HPSE: variants seen among roughly 807,000 people sequenced by gnomAD.
HPSE encodes the protein heparanase, also known as endo-glucoronidase.
A neutral mutation model predicts 65.1 loss-of-function variants in HPSE; 48 were observed. That is an observed-to-expected ratio of 0.74 (90% CI 0.58 to 0.94). The LOEUF is 0.94. Ranked by LOEUF, HPSE falls within the 40% of genes least tolerant of loss-of-function variation. The pLI is 0.00. For missense variants in HPSE, 644 were observed against 637.5 expected, an observed-to-expected ratio of 1.01 and a Z score of -0.11; for synonymous variants, 243 against 260.0, an observed-to-expected ratio of 0.93 and a Z score of 0.63.
rs181294629 is a variant in HPSE, at chr4:83,302,957, G to A, written c.1207-689C>T. Among the ~76,000 whole-genome samples the A allele has an allele frequency of 2.8e-4, 42 of 152,134 alleles. No individual in the cohort carries two copies. In the East Asian group the frequency reaches 7.3e-3, roughly 27 times the overall value. On this transcript the variant is annotated intron_variant, in intron 9 of 11. Coordinates refer to ENST00000311412, the MANE Select transcript of HPSE (RefSeq NM_001098540.3). ...GCCACTGCACTCCAGCCTGGGAAAC[G>A]AAATGAGACACTGTCTCAAAATAAC... is the stretch of plus-strand genomic sequence containing the variant.
intron 3 of HPSE, among the ~76,000 whole-genome samples, chr4:83,318,763 T>C (rs999052724): frequency 4.0e-5 from 6 of 150,338 alleles, no homozygotes; most frequent in African/African-American, 1.5e-4. Flanking sequence ...TAAAGCCCCA[T>C]GTGACAATGT....
At chr4:83,313,460 T>C (rs952401652) in intron 3 of HPSE, among the ~76,000 whole-genome samples, 173 bp from the exon 4 acceptor site, 1 of 152,156 alleles carries the variant, frequency 6.6e-6, no homozygotes, top group African/African-American at 2.4e-5. Context: ...TTAAAAAAAA[T>C]CAATCTGACT....
At chr4:83,324,229 C>T (rs1016224725) in intron 1 of HPSE, among the ~76,000 whole-genome samples, 5 of 148,036 alleles carry the variant, frequency 3.4e-5, no homozygotes, top group African/African-American at 1.3e-4. Context: ...TCTAGCAATT[C>T]GCCCACTTCA....
At chr4:83,303,324 G>T (rs958836524) in intron 9 of HPSE, among the ~76,000 whole-genome samples, 20 of 152,132 alleles carry the variant, frequency 1.3e-4, no homozygotes, top group African/African-American at 4.8e-4. Flanking sequence ...TAAATTACAA[G>T]AGATGAAAGA....
intron 1 of HPSE, among the ~76,000 whole-genome samples, chr4:83,332,512 C>G (rs898281276): frequency 9.2e-5 from 14 of 152,044 alleles, no homozygotes; most frequent in African/African-American, 3.4e-4. Flanking sequence ...GTTTTGTAAA[C>G]CAGAAAAAAA....
chr4:83,295,672 T>A (rs1424344416), intron 11 of HPSE, among the ~76,000 whole-genome samples, 169 bp from the exon 12 acceptor site: 1 of 152,228 alleles, frequency 6.6e-6, no homozygotes, highest in Non-Finnish European at 1.5e-5. Context: ...ACCTAGATAA[T>A]CTTTAAGCTA....
chr4:83,303,856 A>G (rs1736053531), intron 9 of HPSE, among the ~76,000 whole-genome samples: 1 of 152,210 alleles, frequency 6.6e-6, no homozygotes, highest in African/African-American at 2.4e-5. Context: ...AGATAAAGTA[A>G]TATATCTGAA....
intron 9 of HPSE, among the ~76,000 whole-genome samples, chr4:83,302,616 T>C (rs1262021191): frequency 6.6e-6 from 1 of 152,158 alleles, no homozygotes; most frequent in East Asian, 1.9e-4. Context: ...CACACACACA[T>C]ACACAAACAC....
At chr4:83,330,152 T>G (rs1325833268) in intron 1 of HPSE, among the ~76,000 whole-genome samples, 2 of 152,162 alleles carry the variant, frequency 1.3e-5, no homozygotes, top group Non-Finnish European at 2.9e-5. Flanking sequence ...AGTATGGAGT[T>G]CAAACTAGTG....
chr4:83,327,167 C>T (rs1174223995), intron 1 of HPSE, among the ~76,000 whole-genome samples: 1 of 152,114 alleles, frequency 6.6e-6, no homozygotes, highest in African/African-American at 2.4e-5. Context: ...CTTGGCACAC[C>T]GCTGGTGTTT....
At position 83,314,436 on chromosome 4, in the gene HPSE, A is replaced by G. The variant is rs548832379; in HGVS notation, c.500-1149T>C. Among the ~76,000 whole-genome samples the G allele has an allele frequency of 7.4e-4, 112 of 152,304 alleles. 2 individuals carry two copies. Among genetic ancestry groups the G allele is most frequent in the African/African-American group, 2.4e-3 (101 of 41,564 alleles). ...TCAACATCTATTGGACAGCATTACTATTGGACCTATTACTATTAGGTTGTG... is the reference window on the plus strand; with the variant it reads ...TCAACATCTATTGGACAGCATTACTGTTGGACCTATTACTATTAGGTTGTG... On this transcript the variant is annotated intron_variant, in intron 3 of 11. Coordinates refer to ENST00000311412, the MANE Select transcript of HPSE (RefSeq NM_001098540.3).
chr4:83,334,421 G>T, intron 1 of HPSE, 135 bp downstream of exon 1: 2 of 975,038 alleles, frequency 2.1e-6, no homozygotes, highest in African/African-American at 1.7e-5. Context: ...GAGGCGGGAA[G>T]TGGGGTGGGG....
chr4:83,327,325 A>C (rs533044341), intron 1 of HPSE, among the ~76,000 whole-genome samples: 1 of 152,370 alleles, frequency 6.6e-6, no homozygotes, highest in East Asian at 1.9e-4. Context: ...ATCACATTTC[A>C]AAGTTTTGGT....
intron 11 of HPSE, among the ~76,000 whole-genome samples, chr4:83,297,796 G>T (rs916286879): frequency 1.3e-5 from 2 of 152,162 alleles, no homozygotes; most frequent in African/African-American, 4.8e-5. Flanking sequence ...TGGAGTGAAG[G>T]GGGAAATGCC....
intron 1 of HPSE, among the ~76,000 whole-genome samples, chr4:83,333,437 G>A (rs148147320): frequency 2.0e-5 from 3 of 152,284 alleles, no homozygotes; most frequent in South Asian, 2.1e-4. Flanking sequence ...TTAAATTAGC[G>A]CTGGCAACTA....
intron 1 of HPSE, among the ~76,000 whole-genome samples, chr4:83,330,695 C>T (rs1737326418): frequency 6.6e-6 from 1 of 152,162 alleles, no homozygotes; most frequent in African/African-American, 2.4e-5. Flanking sequence ...AAGCAAATTG[C>T]AATGAAAAGC....
At chr4:83,305,465 G>C (rs6839735) in intron 9 of HPSE, among the ~76,000 whole-genome samples, 4,509 of 152,196 alleles carry the variant, frequency 0.03, 232 homozygotes, top group African/African-American at 0.1. Flanking sequence ...ATATTTTCAC[G>C]TACGCTCTTT....
intron 11 of HPSE, among the ~76,000 whole-genome samples, 159 bp downstream of exon 11, chr4:83,300,801 C>T (rs1735913007): frequency 6.9e-5 from 1 of 14,418 alleles, no homozygotes; most frequent in African/African-American, 1.2e-4. Flanking sequence ...GGCGACAGAG[C>T]GAGACTCCGT....
intron 2 of HPSE, among the ~76,000 whole-genome samples, chr4:83,319,956 G>T (rs1736814735): frequency 6.6e-6 from 1 of 150,506 alleles, no homozygotes; most frequent in Admixed American, 6.6e-5. Context: ...CGAGGCGGAG[G>T]TTGCAGTGAG....
Sources: allele counts gnomAD v4.1 joint callset (sites outside exome capture counted in the v4.1 genomes callset), GRCh38; gene constraint gnomAD v4.1.1; transcripts MANE v1.5; gene names NCBI Gene and HGNC (gene_info 2026-07-23, HGNC 2026-07-21).